Variants in LDHAL6A observed in about 807,000 individuals in gnomAD.
LDHAL6A encodes the protein L-lactate dehydrogenase A-like 6A.
Under a neutral mutation model 28.2 loss-of-function variants are expected in LDHAL6A, and 19 were observed. That is an observed-to-expected ratio of 0.67 (90% CI 0.47 to 0.99). LDHAL6A has a LOEUF of 0.99. Ranked by LOEUF, LDHAL6A falls within the 50% of genes least tolerant of loss-of-function variation. The probability of loss-of-function intolerance (pLI) is 0.00; values close to 1 mark genes in which losing one functional copy is unlikely to be tolerated. For missense variants in LDHAL6A, 372 were observed against 398.6 expected (o/e 0.93, Z 0.57); for synonymous variants, 144 against 134.4 (o/e 1.07, Z -0.49).
At chr11:18,467,926 C>CAT (rs1292809923) in intron 3 of LDHAL6A, among the ~76,000 whole-genome samples, 8 of 55,452 alleles carry the variant, frequency 1.4e-4, no homozygotes, top group African/African-American at 6.7e-4. Flanking sequence ...TATACACACA[C>CAT]ATATATATAT....
At chr11:18,476,618 A>G in intron 5 of LDHAL6A, 117 bp downstream of exon 5, 1 of 1,464,676 alleles carries the variant, frequency 6.8e-7, no homozygotes, top group Non-Finnish European at 9.0e-7. Flanking sequence ...TTTTATTTGC[A>G]CTTCTGCTTT....
chr11:18,456,771 G>A lies in LDHAL6A; in HGVS notation c.91G>A (p.Val31Ile). 1 of 1,613,998 alleles carries A rather than the reference G, an allele frequency of 6.2e-7. No homozygotes were observed. Residue 31 changes from valine to isoleucine, a missense_variant, in exon 1 of 7, where the codon GTT becomes ATT. Val to Ile is a conservative substitution (Grantham distance 29, BLOSUM62 3). Around this residue, in one of 3 missense-constraint regions of LDHAL6A, gnomAD observed 77 missense variants for 77.9 expected, o/e 0.99. Transcript: ENST00000280706. ...GATCTCCATTGTAGGAACTGGATCG[G>A]TTGGTGTGGCTTGTGCTATCAGCAT... ...NKISIVGTGS[V>I]GVACAISILL...
intron 3 of LDHAL6A, among the ~76,000 whole-genome samples, chr11:18,467,645 G>A (rs1849106415): frequency 6.6e-6 from 1 of 151,500 alleles, no homozygotes; most frequent in Admixed American, 6.6e-5. Flanking sequence ...ATCACCTGAG[G>A]TGAGGAGTTC....
chr11:18,463,478 T>C (rs1848976981), intron 1 of LDHAL6A, among the ~76,000 whole-genome samples: 1 of 152,256 alleles, frequency 6.6e-6, no homozygotes, highest in African/African-American at 2.4e-5. Context: ...CAGTTTCATG[T>C]ATTCTGTTAT....
chr11:18,459,038 CA>C (rs1848828663), intron 1 of LDHAL6A, among the ~76,000 whole-genome samples: 1 of 151,346 alleles, frequency 6.6e-6, no homozygotes, highest in African/African-American at 2.5e-5. Context: ...GAAAGGATAA[CA>C]GTTTATACCC....
At chr11:18,475,422 C>T in intron 3 of LDHAL6A, 44 bp from the exon 4 acceptor site, 1 of 1,443,430 alleles carries the variant, frequency 6.9e-7, no homozygotes, top group South Asian at 1.2e-5. Context: ...AAAACATATC[C>T]TTGTAGATGA....
At chr11:18,464,981 T>TTTG (rs1849019698) in intron 2 of LDHAL6A, among the ~76,000 whole-genome samples, 2 of 125,568 alleles carry the variant, frequency 1.6e-5, no homozygotes, top group African/African-American at 6.8e-5. Context: ...TTTTTTGTTT[T>TTTG]TTTTTGTTTT....
At chr11:18,468,049 GTA>G (rs367822363) in intron 3 of LDHAL6A, among the ~76,000 whole-genome samples, 7 of 11,228 alleles carry the variant, frequency 6.2e-4, no homozygotes, top group East Asian at 6.3e-3. Context: ...ATATATATAC[GTA>G]TATATATATA....
At position 18,457,917 on chromosome 11, in the gene LDHAL6A, T is replaced by C. The variant is rs570085505; in HGVS notation, c.126+1111T>C. Among the ~76,000 whole-genome samples the C allele has an allele frequency of 2.0e-5, 3 of 152,310 alleles. No homozygotes were observed. In the East Asian group the frequency reaches 5.8e-4, roughly 29 times the overall value. On this transcript the variant is annotated intron_variant, in intron 1 of 6. Transcript: ENST00000280706. ...ATATTACAACCCTGGAAAGTAAATA[T>C]TAGACCTACTTTTTAGAGGAGAAAA...
chr11:18,459,965 C>G (rs545391719), intron 1 of LDHAL6A, among the ~76,000 whole-genome samples: 1 of 152,172 alleles, frequency 6.6e-6, no homozygotes, highest in Non-Finnish European at 1.5e-5. Flanking sequence ...TAAAGTGCCA[C>G]TTTTCATCAC....
intron 4 of LDHAL6A, 87 bp downstream of exon 4, chr11:18,475,726 G>A (rs1267832361): frequency 5.1e-6 from 6 of 1,168,424 alleles, no homozygotes; most frequent in Non-Finnish European, 7.0e-6. Context: ...CCTGGGAGGG[G>A]AGAAAAGACT....
intron 1 of LDHAL6A, among the ~76,000 whole-genome samples, chr11:18,458,285 T>C (rs1455953373): frequency 6.6e-6 from 1 of 152,114 alleles, no homozygotes; most frequent in African/African-American, 2.4e-5. Context: ...TGCATTCCAT[T>C]GCAACTGGTG....
chr11:18,473,328 C>T (rs1849293378), intron 3 of LDHAL6A, among the ~76,000 whole-genome samples: 1 of 152,116 alleles, frequency 6.6e-6, no homozygotes, highest in South Asian at 2.1e-4. Context: ...ATAATTCTAC[C>T]ATCTCCAAAT....
At chr11:18,472,555 A>C (rs1008625165) in intron 3 of LDHAL6A, among the ~76,000 whole-genome samples, 1 of 152,230 alleles carries the variant, frequency 6.6e-6, no homozygotes, top group Admixed American at 6.5e-5. Flanking sequence ...ATTTACAAAA[A>C]AGACAAATTA....
At chr11:18,467,994 T>C (rs1284664657) in intron 3 of LDHAL6A, among the ~76,000 whole-genome samples, 6 of 62,484 alleles carry the variant, frequency 9.6e-5, no homozygotes, top group African/African-American at 2.2e-4. Flanking sequence ...TATATATGCA[T>C]ATATATACGT....
chr11:18,477,933 G>C (rs910983269), intron 6 of LDHAL6A, among the ~76,000 whole-genome samples, 190 bp downstream of exon 6: 1 of 152,158 alleles, frequency 6.6e-6, no homozygotes, highest in Non-Finnish European at 1.5e-5. Flanking sequence ...TCCTGGTCTA[G>C]TGTGACATTT....
intron 3 of LDHAL6A, chr11:18,468,232 G>A (rs1411183872): frequency 6.6e-6 from 1 of 150,590 alleles, no homozygotes; most frequent in Non-Finnish European, 1.5e-5. Context: ...GCTGTTTCCA[G>A]TATTTTCTCT....
Position 18,476,501 on chromosome 11 carries a change from G to A in LDHAL6A, c.710G>A (p.Ser237Asn), listed in dbSNP as rs1267352424. The A allele has an allele frequency of 6.2e-7, 1 of 1,613,218 alleles. No homozygotes were observed. Among genetic ancestry groups the A allele is most frequent in the African/African-American group, 1.3e-5 (1 of 74,882 alleles). The change falls in exon 5 of 7, where the codon AGT (serine) becomes AAT (asparagine). Residue 237 changes from serine to asparagine, a missense_variant and splice_region_variant. By Grantham distance (46) the Ser-to-Asn change is conservative (BLOSUM62 1). Around this residue, in one of 3 missense-constraint regions of LDHAL6A, gnomAD observed 291 missense variants for 302.9 expected, o/e 0.96. Coordinates refer to ENST00000280706, the MANE Select transcript of LDHAL6A (RefSeq NM_144972.5). ...AATGTCCACAAAAAAGTGATTTCCA[G>A]GTAATATGCTAGTTTCACATTTTCA... Reference protein sequence around the residue: ...WENVHKKVISSGYEMVKMKGY... With the variant: ...WENVHKKVISNGYEMVKMKGY...
chr11:18,464,529 A>G (rs1848998683), intron 2 of LDHAL6A, among the ~76,000 whole-genome samples: 2 of 152,140 alleles, frequency 1.3e-5, no homozygotes, highest in African/African-American at 2.4e-5. Context: ...AGCCTGACTA[A>G]CATACAGAAA....
Sources: allele counts gnomAD v4.1 joint callset (sites outside exome capture counted in the v4.1 genomes callset), GRCh38; gene constraint gnomAD v4.1.1; regional missense constraint gnomAD v4.1.1; transcripts MANE v1.5; gene names NCBI Gene and HGNC (gene_info 2026-07-23, HGNC 2026-07-21).